The following FGF12 variants were observed in gnomAD, a reference collection of about 807,000 sequenced individuals.
The protein encoded by FGF12 is fibroblast growth factor 12B.
In FGF12, 14 loss-of-function variants were observed where a neutral mutation model predicts 23.6. The ratio of observed to expected loss-of-function variants is 0.59; its 90% CI spans 0.39 to 0.93. FGF12 has a LOEUF of 0.93. Among genes scored for constraint, FGF12 ranks in the 40% least tolerant of loss-of-function variants. The pLI is 0.00. For synonymous variants in FGF12, 62 were observed against 77.3 expected (o/e 0.80, Z 1.04); for missense variants, 175 against 217.8 (o/e 0.80, Z 1.24).
rs538866998 is a variant in FGF12, at chr3:192,479,372, G to A, written c.14-118834C>T. Among the ~76,000 whole-genome samples, 10 of 152,286 alleles carry A rather than the reference G, an allele frequency of 6.6e-5. No homozygotes were observed. The South Asian group carries it at 1.9e-3, about 28-fold the overall frequency. ...AAGTCCCAGGCTCCATCTGAGTCAGGTGTCATTGAAACATATCACCCAGTG... is the reference window on the plus strand; with the variant it reads ...AAGTCCCAGGCTCCATCTGAGTCAGATGTCATTGAAACATATCACCCAGTG... On this transcript the variant is annotated intron_variant, in intron 2 of 5. Transcript: ENST00000445105.
At chr3:192,686,529 T>C (rs892903819) in intron 2 of FGF12, among the ~76,000 whole-genome samples, 2 of 152,160 alleles carry the variant, frequency 1.3e-5, no homozygotes, top group African/African-American at 2.4e-5. Flanking sequence ...TATTAAGATA[T>C]TAACTTACAT....
rs1404705809 is a variant in FGF12, at chr3:192,141,304, A to G, written c.*2705T>C. ...ATTTTTGGATGAAGTTGGATATTAT[A>G]TGTTTACACATGGTAATATTTTTAA... On this transcript the variant is annotated 3_prime_UTR_variant, in exon 6 of 6. Coordinates refer to ENST00000445105, the MANE Select transcript of FGF12 (RefSeq NM_004113.6). 6.6e-6 allele frequency: 1 copy of G among 151,948 alleles called. No individual in the cohort carries two copies. The highest frequency in any genetic ancestry group is 1.5e-5 in the Non-Finnish European group (1 of 67,872). The allele number at this position is 151,948 out of a possible 1,614,324, so 9.4% of individuals were successfully genotyped here.
intron 4 of FGF12, among the ~76,000 whole-genome samples, chr3:192,177,227 T>C (rs926262027): frequency 6.6e-6 from 1 of 152,240 alleles, no homozygotes; most frequent in Non-Finnish European, 1.5e-5. Flanking sequence ...ACACTGAAGA[T>C]ACGTTTACTA....
At chr3:192,474,897 A>AAAAAAAAAAAAAAAG (rs60312309) in intron 2 of FGF12, among the ~76,000 whole-genome samples, 1 of 149,126 alleles carries the variant, frequency 6.7e-6, no homozygotes, top group African/African-American at 2.6e-5. Flanking sequence ...AAAAAAAAAA[A>AAAAAAAAAAAAAAAG]AAAGAAAGAA....
intron 2 of FGF12, among the ~76,000 whole-genome samples, chr3:192,560,344 TA>T (rs547136504): frequency 3.3e-5 from 5 of 150,930 alleles, no homozygotes; most frequent in Non-Finnish European, 7.4e-5. Flanking sequence ...CTCAAATAAA[TA>T]AAAAAATAAT....
intron 2 of FGF12, among the ~76,000 whole-genome samples, chr3:192,500,465 T>C (rs1429725189): frequency 1.3e-5 from 2 of 151,784 alleles, no homozygotes; most frequent in Non-Finnish European, 2.9e-5. Context: ...ACACACAGAA[T>C]AGTCAGGCAA....
intron 2 of FGF12, among the ~76,000 whole-genome samples, chr3:192,554,796 A>C (rs1057406015): frequency 4.6e-5 from 7 of 151,942 alleles, no homozygotes; most frequent in Admixed American, 4.6e-4. Flanking sequence ...CTAAGGAAAA[A>C]AAAAAGAATT....
intron 4 of FGF12, among the ~76,000 whole-genome samples, chr3:192,183,997 C>T (rs1241461725): frequency 6.6e-6 from 1 of 152,042 alleles, no homozygotes; most frequent in East Asian, 1.9e-4. Context: ...TCGAGGTGGG[C>T]AGATCACTTA....
chr3:192,516,576 G>A (rs1724675821), intron 2 of FGF12: 1 of 152,194 alleles, frequency 6.6e-6, no homozygotes, highest in Non-Finnish European at 1.5e-5. Context: ...CAGAGGTGAT[G>A]GAAGAAAAAC....
chr3:192,641,101 C>CTTTTTTTTT (rs1164796476), intron 2 of FGF12, among the ~76,000 whole-genome samples: 3 of 56,646 alleles, frequency 5.3e-5, no homozygotes, highest in African/African-American at 1.5e-4. Context: ...TGGCCTTTCA[C>CTTTTTTTTT]TTTTTTTTTT....
At chr3:192,217,425 G>T (rs1021837004) in intron 4 of FGF12, among the ~76,000 whole-genome samples, 6 of 152,122 alleles carry the variant, frequency 3.9e-5, no homozygotes, top group African/African-American at 1.4e-4. Context: ...AAGCAAAGAG[G>T]TCTAATCCAG....
intron 4 of FGF12, among the ~76,000 whole-genome samples, chr3:192,179,945 A>C (rs535970470): frequency 6.6e-6 from 1 of 152,124 alleles, no homozygotes; most frequent in Non-Finnish European, 1.5e-5. Context: ...TCAGGGGAAA[A>C]CTGATATCAC....
intron 2 of FGF12, among the ~76,000 whole-genome samples, chr3:192,691,050 G>C (rs988830705): frequency 3.9e-5 from 6 of 151,970 alleles, no homozygotes; most frequent in African/African-American, 1.4e-4. Context: ...AATATTAACA[G>C]ATCCGAAGGG....
intron 2 of FGF12, among the ~76,000 whole-genome samples, chr3:192,441,038 T>C (rs909395340): frequency 6.6e-6 from 1 of 152,312 alleles, no homozygotes; most frequent in East Asian, 1.9e-4. Context: ...CTAACACTGT[T>C]TTGGGCACCG....
chr3:192,476,532 T>C lies in FGF12; in HGVS notation c.14-115994A>G, dbSNP rs148831404. Among the ~76,000 whole-genome samples, 329 of 152,346 alleles carry C rather than the reference T, an allele frequency of 2.2e-3. 1 individual carries two copies. The highest frequency in any genetic ancestry group is 3.1e-3 in the Non-Finnish European group (211 of 68,036). ...ATTAAGTCCAACAGCCTCACAGCCA[T>C]CTGTAATATGCCCCCTGTTTATTTT... On this transcript the variant is annotated intron_variant, in intron 2 of 5. Coordinates refer to ENST00000445105, the MANE Select transcript of FGF12 (RefSeq NM_004113.6).
intron 2 of FGF12, among the ~76,000 whole-genome samples, chr3:192,447,342 T>A (rs1252493064): frequency 6.6e-6 from 1 of 152,184 alleles, no homozygotes; most frequent in Non-Finnish European, 1.5e-5. Flanking sequence ...GAGCATTAGG[T>A]AATGGGAAAC....
intron 5 of FGF12, among the ~76,000 whole-genome samples, chr3:192,169,897 A>G (rs977248232): frequency 6.6e-6 from 1 of 151,406 alleles, no homozygotes; most frequent in Non-Finnish European, 1.5e-5. Flanking sequence ...CAGAGAATTA[A>G]ATGATTACGA....
chr3:192,142,707 T>C lies in FGF12; in HGVS notation c.*1302A>G, dbSNP rs1198875452. 1.3e-5 allele frequency: 2 copies of C among 152,122 alleles called. No individual in the cohort carries two copies. Among genetic ancestry groups the C allele is most frequent in the Admixed American group, 6.6e-5 (1 of 15,252 alleles). 9.4% of individuals were successfully genotyped at this position (152,122 alleles called of 1,614,324 possible). A position where few individuals can be genotyped will look rare whatever the true frequency, so the allele number is the denominator to read the frequency against. ...CACACAATCCTGTCTGTTGGAGTCA[T>C]AGCTGCTAATTCCATATTATTTCTC... On this transcript the variant is annotated 3_prime_UTR_variant, in exon 6 of 6. Coordinates refer to ENST00000445105, the MANE Select transcript of FGF12 (RefSeq NM_004113.6).
intron 2 of FGF12, among the ~76,000 whole-genome samples, chr3:192,424,501 T>C (rs761218042): frequency 2.0e-5 from 3 of 152,184 alleles, no homozygotes; most frequent in Non-Finnish European, 4.4e-5. Flanking sequence ...CATCTGATAG[T>C]CACATAACTA....
Sources: gnomAD v4.1 joint callset for allele counts (sites outside exome capture counted in the v4.1 genomes callset) on GRCh38, gnomAD v4.1.1 for gene constraint, MANE v1.5 for transcripts, NCBI Gene and HGNC (gene_info 2026-07-23, HGNC 2026-07-21) for gene names.